BOC: variants seen among roughly 807,000 people sequenced by gnomAD.
BOC encodes the protein brother of CDO.
BOC carries 76 observed loss-of-function variants against 112.0 expected under a neutral mutation model. That is an observed-to-expected ratio of 0.68 (90% CI 0.56 to 0.82). BOC has a LOEUF of 0.82. BOC is among the 40% of genes least tolerant of loss of function. The pLI is 0.00. For synonymous variants in BOC, 580 were observed against 599.8 expected (o/e 0.97, Z 0.48); for missense variants, 1,309 against 1,511.7 (o/e 0.87, Z 2.22).
chr3:113,275,200 A>G (rs1948535340), intron 9 of BOC, among the ~76,000 whole-genome samples: 1 of 152,220 alleles, frequency 6.6e-6, no homozygotes, highest in South Asian at 2.1e-4. Flanking sequence ...CAGTTCTCAG[A>G]ATCTGTCATG....
In BOC at chr3:113,270,556, A is replaced by G. The variant is rs1947997948; in HGVS notation, c.524-245A>G. 4 of 472,628 alleles carry G rather than the reference A, an allele frequency of 8.5e-6. No individual in the cohort carries two copies. In the East Asian group the frequency reaches 1.4e-4, roughly 17 times the overall value. 29.3% of individuals were successfully genotyped at this position (472,628 alleles called of 1,614,324 possible). A position where few individuals can be genotyped will look rare whatever the true frequency, so the allele number is the denominator to read the frequency against. On this transcript the variant is annotated intron_variant, in intron 5 of 19. Transcript: ENST00000682979. ...ATGCACTAAGTTGTGGCAGTTAGTC[A>G]GTCAGCCAGTCTGTTAGCTGGTTGG... is the stretch of plus-strand genomic sequence containing the variant.
At chr3:113,240,898 G>T (rs1944205405) in intron 2 of BOC, among the ~76,000 whole-genome samples, 1 of 152,090 alleles carries the variant, frequency 6.6e-6, no homozygotes, top group Non-Finnish European at 1.5e-5. Context: ...CACCCTACTG[G>T]ACAGCCCACT....
rs984834726 is a variant in BOC, at chr3:113,287,008, T to C, written c.*146T>C. On this transcript the variant is annotated 3_prime_UTR_variant, in exon 20 of 20. Coordinates refer to ENST00000682979, the MANE Select transcript of BOC (RefSeq NM_001378074.1). ...GCACTTGTAAATAAATGTATATGTT[T>C]TATAATTCTGGAGAGACATAAGGAG... 5 of 945,776 alleles carry C rather than the reference T, an allele frequency of 5.3e-6. No individual in the cohort carries two copies. The African/African-American group carries it at 8.2e-5, about 16-fold the overall frequency. 58.6% of individuals were successfully genotyped at this position (945,776 alleles called of 1,614,324 possible). A position where few individuals can be genotyped will look rare whatever the true frequency, so the allele number is the denominator to read the frequency against.
intron 1 of BOC, among the ~76,000 whole-genome samples, chr3:113,213,181 C>T (rs1272798212): frequency 1.3e-5 from 2 of 152,192 alleles, no homozygotes; most frequent in South Asian, 2.1e-4. Context: ...TGCTGCTCCC[C>T]TCATCCCTTC....
At chr3:113,249,673 C>T (rs887019271) in intron 2 of BOC, 49 bp from the exon 3 acceptor site, 24 of 713,244 alleles carry the variant, frequency 3.4e-5, no homozygotes, top group Non-Finnish European at 5.3e-5. Flanking sequence ...CAGGTGCACC[C>T]CAGGCATCCT....
intron 4 of BOC, among the ~76,000 whole-genome samples, chr3:113,252,713 G>A (rs1335865253): frequency 6.6e-6 from 1 of 152,190 alleles, no homozygotes; most frequent in Non-Finnish European, 1.5e-5. Context: ...CTGTCTCCCT[G>A]AGGAGCCAGG....
intron 2 of BOC, among the ~76,000 whole-genome samples, chr3:113,220,560 A>G (rs1553190): frequency 0.94 from 143,207 of 152,110 alleles, 67,623 homozygotes; most frequent in Non-Finnish European, 0.98. Context: ...GCCCAAGGCC[A>G]TTGGCTTCTG....
chr3:113,248,727 G>T (rs529003724), intron 2 of BOC, among the ~76,000 whole-genome samples: 1 of 152,294 alleles, frequency 6.6e-6, no homozygotes, highest in South Asian at 2.1e-4. Context: ...GATAAATCTT[G>T]TAAGGACCAT....
intron 2 of BOC, among the ~76,000 whole-genome samples, chr3:113,225,155 T>TC (rs1941447111): frequency 1.3e-5 from 2 of 151,746 alleles, no homozygotes; most frequent in South Asian, 4.2e-4. Flanking sequence ...ACGCCTGTAA[T>TC]CCCAGCTACT....
chr3:113,275,316 G>T (rs1029095535), intron 9 of BOC, among the ~76,000 whole-genome samples: 1 of 152,164 alleles, frequency 6.6e-6, no homozygotes, highest in African/African-American at 2.4e-5. Context: ...AATGCTTCAG[G>T]AGCTGTCAGG....
In BOC at chr3:113,246,864, CTTG is replaced by C. The variant is rs1361273365; in HGVS notation, c.-81-2852_-81-2850del. Among the ~76,000 whole-genome samples, 14 of 152,232 alleles carry C rather than the reference CTTG, an allele frequency of 9.2e-5. No individual in the cohort carries two copies. In the East Asian group the frequency reaches 2.7e-3, roughly 29 times the overall value. On this transcript the variant is annotated intron_variant, in intron 2 of 19. Coordinates refer to ENST00000682979, the MANE Select transcript of BOC (RefSeq NM_001378074.1). ...CCCTCTCACTCCCAATTCTTTTCTC[CTTG>C]TTGTTTTTGAAAGCAGGATGGTGGC...
intron 2 of BOC, among the ~76,000 whole-genome samples, chr3:113,244,219 C>T (rs948538702): frequency 5.9e-5 from 9 of 152,148 alleles, no homozygotes; most frequent in African/African-American, 2.2e-4. Context: ...GCTTTAAGCT[C>T]CTAAGGACTG....
intron 6 of BOC, 177 bp downstream of exon 6, chr3:113,271,121 G>C: frequency 1.1e-6 from 1 of 875,172 alleles, no homozygotes; most frequent in Non-Finnish European, 1.8e-6. Context: ...CCCTCTGGCC[G>C]GCCTCAGGGC....
chr3:113,226,201 A>G (rs1351078043), intron 2 of BOC, among the ~76,000 whole-genome samples: 1 of 152,184 alleles, frequency 6.6e-6, no homozygotes, highest in Non-Finnish European at 1.5e-5. Flanking sequence ...CATGAAAAAA[A>G]CTCACCTTTA....
rs745591558 is a variant in BOC at position 113,270,860 on chromosome 3, G to C, written c.583G>C (p.Glu195Gln). ...GATTGTGAATGCCAGCCAGGAGGAC[G>C]AGGGCATGTACAAGTGTGCAGCCTA... Reference protein sequence around the residue: ...LQIVNASQEDEGMYKCAAYNP... With the variant: ...LQIVNASQEDQGMYKCAAYNP... Residue 195 changes from glutamate to glutamine, a missense_variant, in exon 6 of 20, where the codon GAG becomes CAG. Physicochemically the swap from Glu to Gln is conservative, Grantham distance 29 (BLOSUM62 2). Coordinates refer to ENST00000682979, the MANE Select transcript of BOC (RefSeq NM_001378074.1). 3.7e-6 allele frequency: 6 copies of C among 1,614,044 alleles called. No homozygotes were observed. The highest frequency in any genetic ancestry group is 5.1e-6 in the Non-Finnish European group (6 of 1,180,028).
rs767454918 is a variant in BOC at position 113,279,436 on chromosome 3, G to A, written c.2004G>A (p.Glu668=). Residue 668 remains glutamate (E), a synonymous_variant, in exon 12 of 20, where the codon GAG becomes GAA. Transcript: ENST00000682979. The part of the protein sequence containing the change: ...SAIPPSRLSV[E]ITGLEKGTSY... ...TCCCCCCATCGCGGCTGTCCGTGGA[G>A]ATCACGGGCCTAGAGAAAGGTAGGG... 1 of 1,614,068 alleles carries A rather than the reference G, an allele frequency of 6.2e-7. No homozygotes were observed. Among genetic ancestry groups the A allele is most frequent in the Middle Eastern group, 1.6e-4 (1 of 6,062 alleles).
intron 4 of BOC, among the ~76,000 whole-genome samples, chr3:113,262,271 T>G (rs1946971161): frequency 6.6e-6 from 1 of 152,156 alleles, no homozygotes; most frequent in Admixed American, 6.5e-5. Context: ...TAGGCTGGAG[T>G]GCTGGTGGAG....
intron 9 of BOC, among the ~76,000 whole-genome samples, chr3:113,276,825 T>C (rs1948721026): frequency 6.6e-6 from 1 of 152,178 alleles, no homozygotes; most frequent in Non-Finnish European, 1.5e-5. Flanking sequence ...TCCTGTGCCT[T>C]GAATGGTAGG....
At chr3:113,248,238 G>T (rs75683020) in intron 2 of BOC, among the ~76,000 whole-genome samples, 1 of 152,160 alleles carries the variant, frequency 6.6e-6, no homozygotes, top group Non-Finnish European at 1.5e-5. Context: ...AGGTTAATCC[G>T]AAGCACTTCC....
Sources: allele counts gnomAD v4.1 joint callset (sites outside exome capture counted in the v4.1 genomes callset), GRCh38; gene constraint gnomAD v4.1.1; transcripts MANE v1.5; gene names NCBI Gene and HGNC (gene_info 2026-07-23, HGNC 2026-07-21).